The following NEDD4L variants were observed in gnomAD, a reference collection of about 807,000 sequenced individuals.
NEDD4L encodes NEDD4 like E3 ubiquitin protein ligase.
Under a neutral mutation model 148.9 loss-of-function variants are expected in NEDD4L, and 54 were observed. The observed-to-expected ratio is 0.36, with a 90% CI of 0.29 to 0.45. The LOEUF is 0.45. Among genes scored for constraint, NEDD4L ranks in the 20% least tolerant of loss-of-function variants. NEDD4L has a pLI of 1.00. For missense variants in NEDD4L, 856 were observed against 1,233.8 expected (o/e 0.69, Z 4.59); for synonymous variants, 433 against 440.7 (o/e 0.98, Z 0.22).
At chr18:58,257,805 G>A (rs897536364) in intron 5 of NEDD4L, among the ~76,000 whole-genome samples, 3 of 152,174 alleles carry the variant, frequency 2.0e-5, no homozygotes, top group Non-Finnish European at 2.9e-5. Flanking sequence ...GCCAGTGAGT[G>A]CTTTCTCCTA....
intron 1 of NEDD4L, 128 bp from the exon 2 acceptor site, chr18:58,165,660 T>G: frequency 6.5e-7 from 1 of 1,532,148 alleles, no homozygotes; most frequent in Non-Finnish European, 8.8e-7. Flanking sequence ...GAATTGCTTA[T>G]GCTCGAATTG....
intron 5 of NEDD4L, among the ~76,000 whole-genome samples, chr18:58,299,641 T>C (rs1358969898): frequency 6.6e-6 from 1 of 152,202 alleles, no homozygotes; most frequent in Non-Finnish European, 1.5e-5. Flanking sequence ...TACAGATAGG[T>C]CCTGTAACAG....
chr18:58,124,624 A>G (rs1048125516), intron 1 of NEDD4L, among the ~76,000 whole-genome samples: 4 of 152,042 alleles, frequency 2.6e-5, no homozygotes, highest in Admixed American at 6.5e-5. Flanking sequence ...ATGATTCTCA[A>G]CCTTAACGTG....
intron 1 of NEDD4L, among the ~76,000 whole-genome samples, chr18:58,114,531 A>G (rs1332064207): frequency 1.3e-5 from 2 of 152,258 alleles, no homozygotes; most frequent in Non-Finnish European, 2.9e-5. Context: ...TACTTGACAT[A>G]CATGGGCAGA....
intron 2 of NEDD4L, among the ~76,000 whole-genome samples, chr18:58,226,887 A>G (rs2044419065): frequency 6.6e-6 from 1 of 152,176 alleles, no homozygotes; most frequent in Non-Finnish European, 1.5e-5. Flanking sequence ...ACCCTAGATC[A>G]AATCAACCAA....
chr18:58,291,450 G>T (rs989258532), intron 5 of NEDD4L, among the ~76,000 whole-genome samples: 1 of 152,236 alleles, frequency 6.6e-6, no homozygotes, highest in Non-Finnish European at 1.5e-5. Flanking sequence ...TGGTTAGAGT[G>T]TAGTGCAATG....
At chr18:58,191,212 G>T (rs1194236821) in intron 2 of NEDD4L, among the ~76,000 whole-genome samples, 1 of 152,176 alleles carries the variant, frequency 6.6e-6, no homozygotes, top group East Asian at 1.9e-4. Context: ...AATTATAAGG[G>T]CTGAGATTTT....
intron 3 of NEDD4L, among the ~76,000 whole-genome samples, chr18:58,246,769 A>G (rs2047310180): frequency 1.3e-5 from 2 of 152,130 alleles, no homozygotes; most frequent in African/African-American, 2.4e-5. Context: ...CTAGCCAATA[A>G]GTATGTCTTA....
At chr18:58,132,687 GTTGTCTTAC>G (rs1175973881) in intron 1 of NEDD4L, among the ~76,000 whole-genome samples, 1 of 152,192 alleles carries the variant, frequency 6.6e-6, no homozygotes, top group African/African-American at 2.4e-5. Flanking sequence ...GCCAACCCTC[GTTGTCTTAC>G]TGAGCTTAGT....
chr18:58,315,258 C>T (rs1460353871), intron 5 of NEDD4L, among the ~76,000 whole-genome samples: 1 of 152,118 alleles, frequency 6.6e-6, no homozygotes, highest in Non-Finnish European at 1.5e-5. Context: ...AGGCCAGTGA[C>T]CTCTGGAGCT....
chr18:58,147,972 G>A (rs917636796), intron 1 of NEDD4L, among the ~76,000 whole-genome samples: 2 of 152,076 alleles, frequency 1.3e-5, no homozygotes, highest in Admixed American at 6.5e-5. Context: ...GGCTGGGCTC[G>A]GAATGGGGTT....
At chr18:58,203,745 G>A (rs769964273) in intron 2 of NEDD4L, among the ~76,000 whole-genome samples, 1 of 149,844 alleles carries the variant, frequency 6.7e-6, no homozygotes, top group Non-Finnish European at 1.5e-5. Flanking sequence ...TTCTCCATTT[G>A]GTAGTTGATC....
At chr18:58,236,372 A>T (rs1182016996) in intron 2 of NEDD4L, among the ~76,000 whole-genome samples, 1 of 152,054 alleles carries the variant, frequency 6.6e-6, no homozygotes, top group Non-Finnish European at 1.5e-5. Flanking sequence ...AAAAAGAAAA[A>T]AAAATTTATG....
At chr18:58,177,365 G>A (rs1307647224) in intron 2 of NEDD4L, among the ~76,000 whole-genome samples, 1 of 152,188 alleles carries the variant, frequency 6.6e-6, no homozygotes, top group African/African-American at 2.4e-5. Flanking sequence ...GAATGTGTAA[G>A]ACAATGAGGA....
At chr18:58,317,470 T>G (rs2058395843) in intron 6 of NEDD4L, among the ~76,000 whole-genome samples, 1 of 152,160 alleles carries the variant, frequency 6.6e-6, no homozygotes, top group Non-Finnish European at 1.5e-5. Context: ...TTCCCTAATG[T>G]AAAAACCACA....
chr18:58,199,259 A>G (rs2041114417), intron 2 of NEDD4L, among the ~76,000 whole-genome samples: 1 of 152,192 alleles, frequency 6.6e-6, no homozygotes, highest in South Asian at 2.1e-4. Flanking sequence ...CATATGATGA[A>G]TTGCTTAAAG....
At chr18:58,144,070 C>T (rs2033844321) in intron 1 of NEDD4L, among the ~76,000 whole-genome samples, 3 of 150,260 alleles carry the variant, frequency 2.0e-5, no homozygotes, top group Admixed American at 1.3e-4. Flanking sequence ...AACATTCTGC[C>T]ACACACATTA....
At chr18:58,224,725 A>G (rs144179878) in intron 2 of NEDD4L, among the ~76,000 whole-genome samples, 5 of 152,306 alleles carry the variant, frequency 3.3e-5, no homozygotes, top group African/African-American at 1.2e-4. Flanking sequence ...TCTTTTAGTC[A>G]GTTACCAAAT....
chr18:58,364,693 C>T (rs375570201), intron 20 of NEDD4L, among the ~76,000 whole-genome samples: 4 of 152,096 alleles, frequency 2.6e-5, no homozygotes, highest in Non-Finnish European at 2.9e-5. Flanking sequence ...ACCTGGATCC[C>T]GGTAAGAAAA....
Sources: gnomAD v4.1 joint callset for allele counts (sites outside exome capture counted in the v4.1 genomes callset) on GRCh38, gnomAD v4.1.1 for gene constraint, MANE v1.5 for transcripts, NCBI Gene and HGNC (gene_info 2026-07-23, HGNC 2026-07-21) for gene names.